Variants in CNTNAP5 observed in about 807,000 individuals in gnomAD.
CNTNAP5 encodes contactin associated protein family member 5.
Under a neutral mutation model 150.2 loss-of-function variants are expected in CNTNAP5, and 72 were observed. The ratio of observed to expected loss-of-function variants is 0.48; its 90% confidence interval spans 0.40 to 0.58. CNTNAP5 has a LOEUF of 0.58. Among genes scored for constraint, CNTNAP5 ranks in the 20% least tolerant of loss-of-function variants. The probability of loss-of-function intolerance (pLI) is 0.00; values close to 1 mark genes in which losing one functional copy is unlikely to be tolerated. For synonymous variants in CNTNAP5, 672 were observed against 619.8 expected (o/e 1.08, Z -1.25); for missense variants, 1,636 against 1,626.2 (o/e 1.01, Z -0.10).
intron 12 of CNTNAP5, among the ~76,000 whole-genome samples, chr2:124,616,834 A>T (rs533135926): frequency 2.8e-4 from 43 of 152,256 alleles, no homozygotes; most frequent in Admixed American, 1.6e-3. Context: ...AGAAGGAAAG[A>T]GACAGAAATC....
At chr2:124,728,762 G>A (rs559635606) in intron 13 of CNTNAP5, among the ~76,000 whole-genome samples, 50 of 151,998 alleles carry the variant, frequency 3.3e-4, no homozygotes, top group Non-Finnish European at 5.3e-4. Flanking sequence ...AAAATTCTGA[G>A]GATTTTTTGC....
intron 3 of CNTNAP5, among the ~76,000 whole-genome samples, chr2:124,259,499 C>T (rs887207525): frequency 6.6e-6 from 1 of 152,140 alleles, no homozygotes; most frequent in African/African-American, 2.4e-5. Flanking sequence ...TCCTATTTCT[C>T]CACATCCTCT....
At chr2:124,693,951 C>G (rs1366275284) in intron 13 of CNTNAP5, among the ~76,000 whole-genome samples, 2 of 151,996 alleles carry the variant, frequency 1.3e-5, no homozygotes, top group Non-Finnish European at 2.9e-5. Flanking sequence ...ATTATCTGAC[C>G]TAGCTGAAGA....
intron 7 of CNTNAP5, among the ~76,000 whole-genome samples, chr2:124,494,062 C>CTGTGTGTG (rs111834196): frequency 9.0e-6 from 1 of 110,640 alleles, no homozygotes; most frequent in African/African-American, 3.5e-5. Context: ...CAATAGGAGA[C>CTGTGTGTG]TGTGTGTGTG....
At chr2:124,478,082 C>T (rs1470504219) in intron 7 of CNTNAP5, among the ~76,000 whole-genome samples, 5 of 149,982 alleles carry the variant, frequency 3.3e-5, no homozygotes, top group Non-Finnish European at 7.4e-5. Flanking sequence ...ATATCTTTAA[C>T]GATAAGATAG....
At chr2:124,880,058 G>C (rs1351333562) in intron 21 of CNTNAP5, among the ~76,000 whole-genome samples, 1 of 152,090 alleles carries the variant, frequency 6.6e-6, no homozygotes, top group Admixed American at 6.6e-5. Context: ...GGAGTGTTGT[G>C]TGGCCACTGG....
At chr2:124,414,955 C>T (rs1011770262) in intron 3 of CNTNAP5, among the ~76,000 whole-genome samples, 2 of 152,138 alleles carry the variant, frequency 1.3e-5, no homozygotes, top group African/African-American at 4.8e-5. Flanking sequence ...ACATGACACA[C>T]TTTTACTCTA....
At chr2:124,670,154 T>TTCCTTCCG (rs1678785382) in intron 13 of CNTNAP5, among the ~76,000 whole-genome samples, 1 of 132,772 alleles carries the variant, frequency 7.5e-6, no homozygotes, top group South Asian at 2.5e-4. Flanking sequence ...CCTTCCTTCC[T>TTCCTTCCG]TCCTTCCTTC....
chr2:124,671,468 A>G (rs1267751986), intron 13 of CNTNAP5, among the ~76,000 whole-genome samples: 1 of 152,184 alleles, frequency 6.6e-6, no homozygotes. Context: ...TTTTTTAAAG[A>G]CAAAGGAGGA....
At chr2:124,724,820 T>C (rs1680122155) in intron 13 of CNTNAP5, among the ~76,000 whole-genome samples, 1 of 152,078 alleles carries the variant, frequency 6.6e-6, no homozygotes, top group Non-Finnish European at 1.5e-5. Flanking sequence ...TTCTGAATTT[T>C]AGTCTTTACA....
At chr2:124,832,002 C>T (rs1558793019) in intron 19 of CNTNAP5, among the ~76,000 whole-genome samples, 1 of 151,922 alleles carries the variant, frequency 6.6e-6, no homozygotes. Context: ...CGGTTGTTTT[C>T]ATTAAACCAA....
chr2:124,062,482 G>A (rs1393665037), intron 1 of CNTNAP5, among the ~76,000 whole-genome samples: 1 of 152,216 alleles, frequency 6.6e-6, no homozygotes, highest in Admixed American at 6.5e-5. Context: ...ATTTGCATAT[G>A]CAATGTGTGG....
intron 3 of CNTNAP5, among the ~76,000 whole-genome samples, chr2:124,401,685 T>A (rs992263462): frequency 6.6e-6 from 1 of 152,220 alleles, no homozygotes; most frequent in Non-Finnish European, 1.5e-5. Flanking sequence ...TGTACTTACG[T>A]TATTGATGGA....
intron 3 of CNTNAP5, among the ~76,000 whole-genome samples, chr2:124,318,944 T>G (rs1689035056): frequency 6.6e-6 from 1 of 152,216 alleles, no homozygotes; most frequent in South Asian, 2.1e-4. Flanking sequence ...TCCTCTCCTC[T>G]AGTTGGGTAG....
intron 19 of CNTNAP5, among the ~76,000 whole-genome samples, chr2:124,841,645 C>T (rs948772087): frequency 6.6e-6 from 1 of 152,110 alleles, no homozygotes. Context: ...TTATGAGTAA[C>T]TCATCACTAG....
chr2:124,430,144 A>T (rs1692338189), intron 4 of CNTNAP5, among the ~76,000 whole-genome samples: 14 of 152,088 alleles, frequency 9.2e-5, no homozygotes, highest in Admixed American at 9.2e-4. Flanking sequence ...GACCCCTTAG[A>T]AAAAGGGCCA....
intron 3 of CNTNAP5, 88 bp from the exon 4 acceptor site, chr2:124,417,355 A>C: frequency 7.4e-7 from 1 of 1,354,740 alleles, no homozygotes; most frequent in Non-Finnish European, 1.0e-6. Context: ...GTATGTTCTC[A>C]GTACGAGTTC....
intron 13 of CNTNAP5, among the ~76,000 whole-genome samples, chr2:124,699,344 GGGGCTCAGATT>G (rs1464763564): frequency 6.6e-6 from 1 of 152,100 alleles, no homozygotes; most frequent in African/African-American, 2.4e-5. Context: ...GTTGCAGGGA[GGGGCTCAGATT>G]GGTAATTGAA....
rs151308992 is a variant in CNTNAP5 at position 124,890,733 on chromosome 2, T to G, written c.3437-12149T>G. ...CCATTTCGTAGAGCTTCTAATTTTA[T>G]ATAGACAATACATTAGTGCAGGAAG... On this transcript the variant is annotated intron_variant, in intron 21 of 23. Transcript: ENST00000682447. Among the ~76,000 whole-genome samples the G allele has an allele frequency of 1.9e-3, 292 of 152,210 alleles. 2 individuals are homozygous for G. The highest frequency in any genetic ancestry group is 6.7e-3 in the African/African-American group (279 of 41,540).
Sources: gnomAD v4.1 joint callset for allele counts (sites outside exome capture counted in the v4.1 genomes callset) on GRCh38, gnomAD v4.1.1 for gene constraint, MANE v1.5 for transcripts, NCBI Gene and HGNC (gene_info 2026-07-23, HGNC 2026-07-21) for gene names.